Variants in EXD2 observed in about 807,000 individuals in gnomAD.
The protein encoded by EXD2 is exonuclease 3'-5' domain containing 2, also known as exonuclease 3'-5' domain-containing protein 2.
A neutral mutation model predicts 62.5 loss-of-function variants in EXD2; 40 were observed. That is an observed-to-expected ratio of 0.64 (90% CI 0.50 to 0.83). EXD2 has a LOEUF of 0.83. Among genes scored for constraint, EXD2 ranks in the 40% least tolerant of loss-of-function variants. The pLI, the probability that EXD2 is intolerant of heterozygous loss-of-function variation, is 0.00. For missense variants in EXD2, 671 were observed against 761.8 expected (o/e 0.88, Z 1.40); for synonymous variants, 239 against 291.9 (o/e 0.82, Z 1.85).
intron 2 of EXD2, among the ~76,000 whole-genome samples, chr14:69,205,486 A>T (rs185482472): frequency 0.021 from 3,123 of 152,080 alleles, 56 homozygotes; most frequent in Non-Finnish European, 0.033. Context: ...GTTTTTAAAA[A>T]TTTTTAATAA....
chr14:69,192,237 T>G (rs953315161), intron 1 of EXD2: 2 of 152,218 alleles, frequency 1.3e-5, no homozygotes, highest in Non-Finnish European at 2.9e-5. Context: ...TTTGATATGA[T>G]TCCAACATTC....
At chr14:69,204,955 C>T (rs924743370) in intron 2 of EXD2, among the ~76,000 whole-genome samples, 1 of 152,180 alleles carries the variant, frequency 6.6e-6, no homozygotes, top group Non-Finnish European at 1.5e-5. Flanking sequence ...TTCTCATGGA[C>T]AGACAATGAA....
chr14:69,198,172 T>A lies in EXD2; in HGVS notation c.-131-5745T>A, dbSNP rs545747072. 3.9e-5 allele frequency among the ~76,000 whole-genome samples: 6 copies of A among 152,370 alleles called. No individual in the cohort carries two copies. In the South Asian group the frequency reaches 1.2e-3, roughly 32 times the overall value. On this transcript the variant is annotated intron_variant, in intron 1 of 9. Transcript: ENST00000685843. ...GTATATTGCTATTATGAATGAGATT[T>A]CTTTTTTCACATTTTTATAATAGGT...
In EXD2 at chr14:69,209,703, A is replaced by G. The variant is rs2042740207; in HGVS notation, c.233A>G (p.Lys78Arg). 6.5e-7 allele frequency: 1 copy of G among 1,550,376 alleles called. No individual in the cohort carries two copies. The highest frequency in any genetic ancestry group is 1.4e-5 in the African/African-American group (1 of 73,022). Residue 78 changes from lysine to arginine, a missense_variant, in exon 3 of 10, where the codon AAG becomes AGG. By Grantham distance (26) the Lys-to-Arg change is conservative. Transcript: ENST00000685843. Reference sequence around the variant, plus strand: ...TGGAAGGAACGGATCCTTAAAGCAAAGGTGGTGACGGTGTCTCAGGAGGCA... The same window carrying G: ...TGGAAGGAACGGATCCTTAAAGCAAGGGTGGTGACGGTGTCTCAGGAGGCA... ...SSWKERILKA[K>R]VVTVSQEAEW...
chr14:69,237,543 T>G (rs201704505), intron 8 of EXD2, 32 bp from the exon 9 acceptor site: 5 of 1,602,392 alleles, frequency 3.1e-6, no homozygotes, highest in Admixed American at 1.7e-5. Context: ...CATACACTTA[T>G]GAGCGCTGCT....
At chr14:69,231,279 T>C (rs1374078546) in intron 5 of EXD2, among the ~76,000 whole-genome samples, 2 of 152,114 alleles carry the variant, frequency 1.3e-5, no homozygotes, top group Non-Finnish European at 2.9e-5. Flanking sequence ...GGCAACCACT[T>C]TCATTTCTTT....
intron 5 of EXD2, among the ~76,000 whole-genome samples, chr14:69,232,646 T>C (rs948162398): frequency 2.0e-5 from 3 of 152,354 alleles, no homozygotes; most frequent in African/African-American, 7.2e-5. Context: ...TTGTGACTAA[T>C]GATGCTGGGC....
intron 1 of EXD2, among the ~76,000 whole-genome samples, chr14:69,199,431 A>T (rs1424640632): frequency 6.6e-6 from 1 of 152,128 alleles, no homozygotes; most frequent in Non-Finnish European, 1.5e-5. Context: ...ATTATTTAAA[A>T]TTTTTTTGGA....
intron 9 of EXD2, among the ~76,000 whole-genome samples, chr14:69,238,371 C>T (rs1218752453): frequency 6.6e-6 from 1 of 152,128 alleles, no homozygotes; most frequent in Non-Finnish European, 1.5e-5. Flanking sequence ...GGATTGGTTC[C>T]AGGACCTCCC....
At chr14:69,216,906 C>A (rs1230272505) in intron 3 of EXD2, among the ~76,000 whole-genome samples, 1 of 152,110 alleles carries the variant, frequency 6.6e-6, no homozygotes, top group Non-Finnish European at 1.5e-5. Context: ...TAACTATAGT[C>A]ACCATGCTGT....
chr14:69,229,066 G>T lies in EXD2; in HGVS notation c.584G>T (p.Arg195Leu). The T allele has an allele frequency of 6.2e-7, 1 of 1,614,132 alleles. No individual in the cohort carries two copies. The change falls in exon 4 of 10, where the codon CGG becomes CTG. Residue 195 changes from arginine to leucine, a missense_variant. Coordinates refer to ENST00000685843, the MANE Select transcript of EXD2 (RefSeq NM_001193360.2). ...GCLDLRYLAM[R>L]QRNNLLCNGL... ...CTGGACCTCCGATACCTAGCCATGC[G>T]GCAGAGGTGTGGTTTGTATGAATGC... is the stretch of plus-strand genomic sequence containing the variant.
Position 69,201,074 on chromosome 14 carries a change from C to CA in EXD2, c.-131-2831dup, listed in dbSNP as rs568226057. 6.4e-3 allele frequency among the ~76,000 whole-genome samples: 862 copies of CA among 134,004 alleles called. 11 individuals carry two copies. Among genetic ancestry groups the CA allele is most frequent in the African/African-American group, 0.015 (561 of 36,370 alleles). 87.9% of individuals were successfully genotyped at this position (134,004 alleles called of 152,430 possible). A position where few individuals can be genotyped will look rare whatever the true frequency, so the allele number is the denominator to read the frequency against. On this transcript the variant is annotated intron_variant, in intron 1 of 9. Transcript: ENST00000685843. Reference sequence around the variant, plus strand: ...GAGTGACAAGAGCAAAACTCCATCTCAAAAAAAAAAAATCAGTATGGAAAT... The same window carrying CA: ...GAGTGACAAGAGCAAAACTCCATCTCAAAAAAAAAAAAATCAGTATGGAAAT...
In EXD2 at chr14:69,236,415, A is replaced by G. The variant is rs2043789387; in HGVS notation, c.1165A>G (p.Ser389Gly). 1 of 1,613,924 alleles carries G rather than the reference A, an allele frequency of 6.2e-7. No individual in the cohort carries two copies. Among genetic ancestry groups the G allele is most frequent in the Non-Finnish European group, 8.5e-7 (1 of 1,180,012 alleles). Reference sequence around the variant, plus strand: ...ATGTCTCTTCTCTTAAGAGCTGGTGAGTGAAGAGCCCTTTGTGGTGAAGCT... The same window carrying G: ...ATGTCTCTTCTCTTAAGAGCTGGTGGGTGAAGAGCCCTTTGTGGTGAAGCT... ...YLDKGIGELV[S>G]EEPFVVKLRF... Residue 389 changes from serine (S) to glycine (G), a missense_variant, in exon 8 of 10, where the codon AGT becomes GGT. Ser to Gly is a moderately conservative substitution (Grantham distance 56, BLOSUM62 0). Transcript: ENST00000685843.
chr14:69,218,357 C>T (rs1036040111), intron 3 of EXD2, among the ~76,000 whole-genome samples: 1 of 152,106 alleles, frequency 6.6e-6, no homozygotes, highest in Non-Finnish European at 1.5e-5. Flanking sequence ...CTGTTCATAT[C>T]CTTTGCCCAC....
chr14:69,207,753 A>T (rs2042654306), intron 2 of EXD2, among the ~76,000 whole-genome samples: 1 of 152,198 alleles, frequency 6.6e-6, no homozygotes, highest in African/African-American at 2.4e-5. Flanking sequence ...CATTTCATGT[A>T]AAATTCAGAT....
chr14:69,220,252 T>TG (rs1566829161), intron 3 of EXD2, among the ~76,000 whole-genome samples: 7 of 110,306 alleles, frequency 6.3e-5, no homozygotes, highest in Non-Finnish European at 1.1e-4. Context: ...TTTGTCTCTC[T>TG]GTTTTTTTTT....
At position 69,241,741 on chromosome 14, in the gene EXD2, C is replaced by T. The variant is rs2043988735; in HGVS notation, c.*641C>T. On this transcript the variant is annotated 3_prime_UTR_variant, in exon 10 of 10. Coordinates refer to ENST00000685843, the MANE Select transcript of EXD2 (RefSeq NM_001193360.2). ...AGCAACTTCCTGCCACACACTTCCA[C>T]CCTATCACTGGGAGAAATCCTTTTC... 1 of 397,918 alleles carries T rather than the reference C, an allele frequency of 2.5e-6. No individual in the cohort carries two copies. Among genetic ancestry groups the T allele is most frequent in the Non-Finnish European group, 4.4e-6 (1 of 225,852 alleles). The allele number at this position is 397,918 out of a possible 1,614,324, so 24.6% of individuals were successfully genotyped here.
At position 69,234,746 on chromosome 14, in the gene EXD2, T is replaced by G. The variant is rs1293697614; in HGVS notation, c.764T>G (p.Leu255Arg). Residue 255 changes from leucine to arginine, a missense_variant, in exon 6 of 10, where the codon CTT (leucine) becomes CGT (arginine). Leu to Arg is a moderately radical substitution (Grantham distance 102, BLOSUM62 -2). Transcript: ENST00000685843. ...GCCCAGATTTCAGTGGCTCTCTTTCTTCATCTTCTTGGATACCCTTTCTCT... is the reference window on the plus strand; with the variant it reads ...GCCCAGATTTCAGTGGCTCTCTTTCGTCATCTTCTTGGATACCCTTTCTCT... ...RDAQISVALF[L>R]HLLGYPFSRN... 1 of 1,613,914 alleles carries G rather than the reference T, an allele frequency of 6.2e-7. No individual in the cohort carries two copies. The highest frequency in any genetic ancestry group is 8.5e-7 in the Non-Finnish European group (1 of 1,179,998).
rs906058140 is a variant in EXD2, at chr14:69,213,676, T to G, written c.333+3873T>G. ...CTGCATCCAGCTGTATTTACCTTTT[T>G]TTTTGTTTTTTTTTTGAGACAGAGT... On this transcript the variant is annotated intron_variant, in intron 3 of 9. Coordinates refer to ENST00000685843, the MANE Select transcript of EXD2 (RefSeq NM_001193360.2). Among the ~76,000 whole-genome samples the G allele has an allele frequency of 1.3e-5, 2 of 151,094 alleles. 1 individual carries two copies. Among genetic ancestry groups the G allele is most frequent in the Middle Eastern group, 6.8e-3 (2 of 294 alleles).
Sources: allele counts gnomAD v4.1 joint callset (sites outside exome capture counted in the v4.1 genomes callset), GRCh38; gene constraint gnomAD v4.1.1; transcripts MANE v1.5; gene names NCBI Gene and HGNC (gene_info 2026-07-23, HGNC 2026-07-21).